Variants in ROBO2 observed in about 807,000 individuals in gnomAD.
ROBO2 encodes the protein roundabout homolog 2.
Under a neutral mutation model 160.8 loss-of-function variants are expected in ROBO2, and 53 were observed. The ratio of observed to expected loss-of-function variants is 0.33; its 90% CI spans 0.26 to 0.41. The LOEUF is 0.41. ROBO2 is among the 10% of genes least tolerant of loss of function. The probability of loss-of-function intolerance (pLI) is 1.00; values close to 1 mark genes in which losing one functional copy is unlikely to be tolerated. For synonymous variants in ROBO2, 664 were observed against 611.7 expected, an observed-to-expected ratio of 1.09 and a Z score of -1.26; for missense variants, 1,577 against 1,722.4, an observed-to-expected ratio of 0.92 and a Z score of 1.49.
At chr3:76,797,235 T>A (rs2063768888) in intron 2 of ROBO2, among the ~76,000 whole-genome samples, 1 of 151,982 alleles carries the variant, frequency 6.6e-6, no homozygotes, top group South Asian at 2.1e-4. Context: ...AAACATGATA[T>A]CATATCAAGA....
chr3:76,746,219 A>C (rs1382574792), intron 2 of ROBO2, among the ~76,000 whole-genome samples: 1 of 151,686 alleles, frequency 6.6e-6, no homozygotes, highest in Non-Finnish European at 1.5e-5. Flanking sequence ...ACATTTTCTT[A>C]ATCCAGTCTA....
chr3:76,552,396 A>T (rs2083472721), intron 2 of ROBO2, among the ~76,000 whole-genome samples: 1 of 152,174 alleles, frequency 6.6e-6, no homozygotes, highest in African/African-American at 2.4e-5. Context: ...TGGCCCTTAA[A>T]CTAGCATACA....
chr3:76,560,953 T>G (rs910895261), intron 2 of ROBO2, among the ~76,000 whole-genome samples: 10 of 145,562 alleles, frequency 6.9e-5, no homozygotes, highest in African/African-American at 2.2e-4. Flanking sequence ...TATATATATA[T>G]ATATATATAT....
At chr3:76,003,802 C>G (rs1020848054) in intron 2 of ROBO2, among the ~76,000 whole-genome samples, 1 of 152,184 alleles carries the variant, frequency 6.6e-6, no homozygotes, top group Non-Finnish European at 1.5e-5. Flanking sequence ...CGTGGAACCA[C>G]TGATATACCA....
intron 2 of ROBO2, among the ~76,000 whole-genome samples, chr3:76,582,430 T>C (rs769842423): frequency 5.3e-5 from 8 of 152,134 alleles, no homozygotes; most frequent in Non-Finnish European, 1.2e-4. Flanking sequence ...AAACAGAAAA[T>C]TGTCATGCAA....
intron 2 of ROBO2, among the ~76,000 whole-genome samples, chr3:76,420,020 G>A (rs371686052): frequency 1.4e-4 from 22 of 151,990 alleles, no homozygotes; most frequent in African/African-American, 7.2e-5. Flanking sequence ...TTCTTTTAGC[G>A]TATTATTCAT....
chr3:76,022,003 C>T (rs1308947984), intron 2 of ROBO2, among the ~76,000 whole-genome samples: 1 of 151,462 alleles, frequency 6.6e-6, no homozygotes, highest in Non-Finnish European at 1.5e-5. Context: ...TGCCACTGCT[C>T]TATCAACTAA....
At chr3:75,976,437 T>A (rs910554479) in intron 2 of ROBO2, among the ~76,000 whole-genome samples, 3 of 151,390 alleles carry the variant, frequency 2.0e-5, no homozygotes, top group Non-Finnish European at 3.0e-5. Context: ...AGTAAAGAAA[T>A]CTAGACACAG....
intron 2 of ROBO2, among the ~76,000 whole-genome samples, chr3:76,603,597 T>C (rs1182022342): frequency 6.6e-6 from 1 of 151,696 alleles, no homozygotes; most frequent in Admixed American, 6.6e-5. Context: ...TTTTCCAAAA[T>C]AAAACCACTA....
intron 14 of ROBO2, among the ~76,000 whole-genome samples, chr3:77,576,739 A>G (rs1043268815): frequency 6.6e-5 from 10 of 152,126 alleles, no homozygotes; most frequent in Non-Finnish European, 1.3e-4. Flanking sequence ...ACCCAACATG[A>G]ACTGTTTTCA....
chr3:76,475,588 T>C (rs1283831610), intron 2 of ROBO2, among the ~76,000 whole-genome samples: 2 of 116,186 alleles, frequency 1.7e-5, no homozygotes, highest in South Asian at 5.5e-4. Flanking sequence ...TGTGTATGGG[T>C]GGGGGAGGGG....
At chr3:76,854,160 TA>T (rs753630150) in intron 2 of ROBO2, among the ~76,000 whole-genome samples, 121 of 151,584 alleles carry the variant, frequency 8.0e-4, no homozygotes, top group Non-Finnish European at 4.4e-4. Context: ...AAATATACCT[TA>T]AAAATCAGCC....
At position 76,141,068 on chromosome 3, in the gene ROBO2, T is replaced by TATATATATATAA. The variant is rs1290955194; in HGVS notation, c.109+203475_109+203476insTAAATATATATA. Reference sequence around the variant, plus strand: ...AGATGTCTTTTTACATACATATATATATATATATAAAATATATGTGCCTGG... The same window carrying TATATATATATAA: ...AGATGTCTTTTTACATACATATATATATATATATATAAATATATATAAAATATATGTGCCTGG... On this transcript the variant is annotated intron_variant, in intron 2 of 26. Transcript: ENST00000487694. 2.0e-3 allele frequency among the ~76,000 whole-genome samples: 238 copies of TATATATATATAA among 116,932 alleles called. 12 individuals are homozygous for TATATATATATAA. Among genetic ancestry groups the TATATATATATAA allele is most frequent in the African/African-American group, 7.4e-3 (230 of 31,258 alleles). The allele number at this position is 116,932 out of a possible 152,430, so 76.7% of individuals were successfully genotyped here.
intron 2 of ROBO2, among the ~76,000 whole-genome samples, chr3:76,427,120 A>G (rs1362091221): frequency 2.0e-5 from 3 of 152,182 alleles, no homozygotes; most frequent in African/African-American, 4.8e-5. Context: ...TTAGCATTCT[A>G]TAATACAAAT....
chr3:76,698,104 A>G (rs1467423973), intron 2 of ROBO2, among the ~76,000 whole-genome samples: 1 of 152,230 alleles, frequency 6.6e-6, no homozygotes, highest in African/African-American at 2.4e-5. Context: ...ATGCCTGCAG[A>G]AGCTCTTCTA....
chr3:75,972,307 T>C (rs2065019783), intron 2 of ROBO2, among the ~76,000 whole-genome samples: 3 of 151,676 alleles, frequency 2.0e-5, no homozygotes, highest in Admixed American at 6.6e-5. Flanking sequence ...AGTGCAAAGT[T>C]AAGAAAGTAT....
At chr3:77,213,620 GC>G (rs1038219976) in intron 2 of ROBO2, among the ~76,000 whole-genome samples, 44 of 152,160 alleles carry the variant, frequency 2.9e-4, no homozygotes, top group African/African-American at 1.1e-3. Flanking sequence ...CCTTCTGCTA[GC>G]TTTTGAATGT....
intron 2 of ROBO2, among the ~76,000 whole-genome samples, chr3:76,879,075 C>T (rs536921152): frequency 1.9e-4 from 29 of 152,168 alleles, no homozygotes; most frequent in African/African-American, 6.7e-4. Flanking sequence ...ATCGGAGAAA[C>T]CCAGATGATT....
At chr3:77,188,116 A>C (rs1359411626) in intron 2 of ROBO2, among the ~76,000 whole-genome samples, 1 of 151,894 alleles carries the variant, frequency 6.6e-6, no homozygotes, top group Non-Finnish European at 1.5e-5. Context: ...ATTATCTTTG[A>C]TATTATGTGG....
Sources: allele counts gnomAD v4.1 joint callset (sites outside exome capture counted in the v4.1 genomes callset), GRCh38; gene constraint gnomAD v4.1.1; transcripts MANE v1.5; gene names NCBI Gene and HGNC (gene_info 2026-07-23, HGNC 2026-07-21).